FOCAD: variants seen among roughly 807,000 people sequenced by gnomAD.
FOCAD encodes KIAA1797.
Under a neutral mutation model 225.6 loss-of-function variants are expected in FOCAD, and 198 were observed. The observed-to-expected ratio is 0.88, with a 90% CI of 0.78 to 0.99. The LOEUF (loss-of-function observed/expected upper bound fraction) is 0.99. FOCAD is among the 50% of genes least tolerant of loss of function. The pLI is 0.00. For synonymous variants in FOCAD, 897 were observed against 755.0 expected (o/e 1.19, Z -3.08); for missense variants, 2,713 against 2,123.6 (o/e 1.28, Z -5.46).
intron 21 of FOCAD, among the ~76,000 whole-genome samples, chr9:20,894,644 C>A (rs1225980608): frequency 1.3e-5 from 2 of 151,978 alleles, no homozygotes; most frequent in African/African-American, 4.8e-5. Context: ...ATCTGTGTGT[C>A]TATTTCTTTG....
chr9:20,825,336 G>T (rs1046855762), intron 15 of FOCAD, among the ~76,000 whole-genome samples: 1 of 151,978 alleles, frequency 6.6e-6, no homozygotes, highest in Non-Finnish European at 1.5e-5. Context: ...AGGTCAGCTC[G>T]CATTCTGTGA....
At chr9:20,960,068 A>G (rs1838559484) in intron 35 of FOCAD, among the ~76,000 whole-genome samples, 1 of 152,206 alleles carries the variant, frequency 6.6e-6, no homozygotes, top group African/African-American at 2.4e-5. Context: ...TTTTTAATAG[A>G]AAAACAATCT....
intron 28 of FOCAD, among the ~76,000 whole-genome samples, chr9:20,937,970 C>G (rs1382531628): frequency 3.3e-5 from 5 of 152,038 alleles, no homozygotes; most frequent in Admixed American, 2.0e-4. Flanking sequence ...CCAAAAGACA[C>G]ATGAAAAAAT....
chr9:20,900,712 T>C (rs569383947), intron 21 of FOCAD, among the ~76,000 whole-genome samples: 1 of 151,980 alleles, frequency 6.6e-6, no homozygotes, highest in Non-Finnish European at 1.5e-5. Flanking sequence ...GTGAAAAGTA[T>C]GGTTTGCTGT....
At chr9:20,967,823 C>A (rs915583514) in intron 35 of FOCAD, among the ~76,000 whole-genome samples, 1 of 151,926 alleles carries the variant, frequency 6.6e-6, no homozygotes, top group Non-Finnish European at 1.5e-5. Flanking sequence ...TGGGATAAAT[C>A]GTGTTTGATC....
intron 6 of FOCAD, among the ~76,000 whole-genome samples, chr9:20,763,538 G>A (rs1247015711): frequency 5.3e-5 from 8 of 152,208 alleles, no homozygotes; most frequent in Admixed American, 4.6e-4. Context: ...TCAAGGTGAA[G>A]TGTCAAGGAA....
At chr9:20,753,953 A>T (rs558375621) in intron 5 of FOCAD, among the ~76,000 whole-genome samples, 3 of 152,322 alleles carry the variant, frequency 2.0e-5, no homozygotes, top group Non-Finnish European at 2.9e-5. Flanking sequence ...CTTAGTATTC[A>T]TAACTTGAAT....
intron 40 of FOCAD, among the ~76,000 whole-genome samples, chr9:20,986,887 C>G (rs746293508): frequency 1.3e-5 from 2 of 152,214 alleles, no homozygotes; most frequent in Non-Finnish European, 2.9e-5. Context: ...AAGAACTTCT[C>G]TGGGATGAGA....
At chr9:20,976,302 A>G in intron 35 of FOCAD, 118 bp from the exon 36 acceptor site, 1 of 923,586 alleles carries the variant, frequency 1.1e-6, no homozygotes, top group Non-Finnish European at 1.6e-6. Flanking sequence ...CGTTGATCGC[A>G]ATTGAATATG....
chr9:20,909,515 T>C (rs1213208049), intron 22 of FOCAD, among the ~76,000 whole-genome samples: 1 of 152,142 alleles, frequency 6.6e-6, no homozygotes, highest in African/African-American at 2.4e-5. Context: ...TTATTCATAA[T>C]TTTTAGCAAT....
chr9:20,795,894 A>G (rs935496195), intron 11 of FOCAD, among the ~76,000 whole-genome samples: 1 of 151,376 alleles, frequency 6.6e-6, no homozygotes, highest in Non-Finnish European at 1.5e-5. Context: ...TACAGGTGCC[A>G]TATTGGTGTG....
At chr9:20,731,417 C>T (rs1826692193) in intron 4 of FOCAD, among the ~76,000 whole-genome samples, 1 of 152,120 alleles carries the variant, frequency 6.6e-6, no homozygotes, top group Non-Finnish European at 1.5e-5. Flanking sequence ...TTTAGAAACA[C>T]AACCAGTAAT....
chr9:20,751,619 T>C (rs199632027), intron 5 of FOCAD, among the ~76,000 whole-genome samples: 146 of 139,750 alleles, frequency 1.0e-3, no homozygotes, highest in Non-Finnish European at 4.5e-4. Context: ...AATAAACATA[T>C]GTGTGCCTGT....
intron 1 of FOCAD, among the ~76,000 whole-genome samples, chr9:20,685,468 C>G (rs1304891781): frequency 1.3e-5 from 2 of 152,186 alleles, no homozygotes; most frequent in Non-Finnish European, 2.9e-5. Flanking sequence ...TTGTATCTGT[C>G]CACATTCACT....
chr9:20,765,483 A>T (rs1829976699), intron 7 of FOCAD, among the ~76,000 whole-genome samples: 1 of 150,644 alleles, frequency 6.6e-6, no homozygotes, highest in South Asian at 2.1e-4. Context: ...AGCTCTGAGG[A>T]TGCAAAGCCT....
intron 35 of FOCAD, among the ~76,000 whole-genome samples, chr9:20,971,919 G>C (rs557421803): frequency 6.0e-4 from 92 of 152,066 alleles, no homozygotes; most frequent in African/African-American, 2.1e-3. Flanking sequence ...ATAGCATCTA[G>C]CATGATTTTC....
chr9:20,881,860 T>C lies in FOCAD; in HGVS notation c.2318-11T>C. ...TTACTCTACTTTTGGTCTCCTTTTATCCTCTTTTAGCTTTGGAGGAATTTT... is the reference window on the plus strand; with the variant it reads ...TTACTCTACTTTTGGTCTCCTTTTACCCTCTTTTAGCTTTGGAGGAATTTT... On this transcript the variant is annotated splice_polypyrimidine_tract_variant and intron_variant, in intron 19 of 43. Coordinates refer to ENST00000338382, the MANE Select transcript of FOCAD (RefSeq NM_001375567.1). 1.2e-6 allele frequency: 2 copies of C among 1,610,792 alleles called. No homozygotes were observed. The highest frequency in any genetic ancestry group is 1.7e-6 in the Non-Finnish European group (2 of 1,179,090).
chr9:20,814,610 A>G lies in FOCAD; in HGVS notation c.1456-5186A>G, dbSNP rs140750345. ...GCCCTCAAGTGATCCATCCACCTTC[A>G]GCCTCCCAGAGTACTGAGATTACAG... On this transcript the variant is annotated intron_variant, in intron 11 of 43. Coordinates refer to ENST00000338382, the MANE Select transcript of FOCAD (RefSeq NM_001375567.1). Among the ~76,000 whole-genome samples the G allele has an allele frequency of 1.7e-3, 261 of 152,070 alleles. 3 individuals are homozygous for G. In the East Asian group the frequency reaches 0.043, roughly 25 times the overall value.
At chr9:20,947,171 C>T (rs187471420) in intron 30 of FOCAD, among the ~76,000 whole-genome samples, 3 of 152,166 alleles carry the variant, frequency 2.0e-5, no homozygotes, top group African/African-American at 7.2e-5. Context: ...GATATGAATA[C>T]ATAGAAGTCT....
Sources: allele counts gnomAD v4.1 joint callset (sites outside exome capture counted in the v4.1 genomes callset), GRCh38; gene constraint gnomAD v4.1.1; transcripts MANE v1.5; gene names NCBI Gene and HGNC (gene_info 2026-07-23, HGNC 2026-07-21).